Variants in RFX4 observed in about 807,000 individuals in gnomAD.
The protein encoded by RFX4 is regulatory factor X4.
A neutral mutation model predicts 95.0 loss-of-function variants in RFX4; 10 were observed. The ratio of observed to expected loss-of-function variants is 0.11; its 90% CI spans 0.06 to 0.18. The LOEUF (loss-of-function observed/expected upper bound fraction) is 0.18. Among genes scored for constraint, RFX4 ranks in the 10% least tolerant of loss-of-function variants. The pLI, the probability that RFX4 is intolerant of heterozygous loss-of-function variation, is 1.00. For missense variants in RFX4, 640 were observed against 922.0 expected, an observed-to-expected ratio of 0.69 and a Z score of 3.96; for synonymous variants, 321 against 340.7, an observed-to-expected ratio of 0.94 and a Z score of 0.64.
At chr12:106,745,185 C>G (rs960880420) in intron 15 of RFX4, among the ~76,000 whole-genome samples, 1 of 152,022 alleles carries the variant, frequency 6.6e-6, no homozygotes, top group South Asian at 2.1e-4. Flanking sequence ...TTTATTGTCT[C>G]GAATCTTTTA....
chr12:106,624,500 T>C (rs75640034), intron 2 of RFX4, among the ~76,000 whole-genome samples: 1 of 150,610 alleles, frequency 6.6e-6, no homozygotes, highest in Admixed American at 6.6e-5. Flanking sequence ...ACTTTTTGTA[T>C]TTTTTTTTAG....
At chr12:106,620,837 C>A (rs1366477191) in intron 2 of RFX4, among the ~76,000 whole-genome samples, 3 of 151,958 alleles carry the variant, frequency 2.0e-5, no homozygotes, top group Non-Finnish European at 4.4e-5. Context: ...TATAGACCAC[C>A]CCCCAGGAAT....
intron 3 of RFX4, among the ~76,000 whole-genome samples, chr12:106,640,003 G>A (rs929745324): frequency 2.6e-5 from 4 of 152,184 alleles, no homozygotes; most frequent in African/African-American, 2.4e-5. Flanking sequence ...CATTGAAGGC[G>A]ATTATTCCCC....
intron 13 of RFX4, among the ~76,000 whole-genome samples, chr12:106,728,518 A>G (rs2042547753): frequency 6.6e-6 from 1 of 152,102 alleles, no homozygotes; most frequent in Non-Finnish European, 1.5e-5. Flanking sequence ...TAGAGCTTAC[A>G]ATCTAGTGGA....
intron 2 of RFX4, among the ~76,000 whole-genome samples, chr12:106,636,405 A>G (rs2040513583): frequency 6.7e-6 from 1 of 149,650 alleles, no homozygotes; most frequent in Non-Finnish European, 1.5e-5. Flanking sequence ...AAAAAAAAAA[A>G]AAGAAAAGAA....
intron 15 of RFX4, among the ~76,000 whole-genome samples, chr12:106,746,992 C>A (rs2042908303): frequency 6.6e-6 from 1 of 152,186 alleles, no homozygotes; most frequent in African/African-American, 2.4e-5. Flanking sequence ...AGGCCCCTAC[C>A]CTCATGGTGC....
chr12:106,607,506 T>C (rs1292451337), intron 1 of RFX4, among the ~76,000 whole-genome samples: 3 of 135,902 alleles, frequency 2.2e-5, no homozygotes, highest in South Asian at 2.3e-4. Context: ...AAGTAGCTGG[T>C]AGGTGTCTGA....
At chr12:106,715,315 G>A in intron 10 of RFX4, 85 bp from the exon 11 acceptor site, 2 of 1,455,594 alleles carry the variant, frequency 1.4e-6, no homozygotes, top group Middle Eastern at 1.9e-4. Context: ...ACCATAAGCA[G>A]ATGCATTAAC....
At chr12:106,719,246 G>T (rs4964484) in intron 11 of RFX4, among the ~76,000 whole-genome samples, 96,683 of 152,126 alleles carry the variant, frequency 0.64, 32,597 homozygotes, top group African/African-American at 0.88. Context: ...AGAGAGACTG[G>T]TTCACTTACT....
intron 2 of RFX4, among the ~76,000 whole-genome samples, chr12:106,614,533 G>T (rs906328601): frequency 6.8e-6 from 1 of 147,982 alleles, no homozygotes; most frequent in Admixed American, 6.8e-5. Context: ...GGTTGAGAAG[G>T]AGTATCGCTC....
At chr12:106,721,981 T>C (rs181199308) in intron 13 of RFX4, among the ~76,000 whole-genome samples, 8 of 152,368 alleles carry the variant, frequency 5.3e-5, no homozygotes, top group Admixed American at 2.6e-4. Context: ...AAGTGTTTTG[T>C]TGTGGATTTC....
At chr12:106,718,149 G>C (rs999525217) in intron 11 of RFX4, among the ~76,000 whole-genome samples, 3 of 152,096 alleles carry the variant, frequency 2.0e-5, no homozygotes, top group Admixed American at 6.6e-5. Context: ...GATCCCTGGG[G>C]CTGGGATGCC....
At chr12:106,749,608 TACTC>T (rs1157443426) in intron 16 of RFX4, among the ~76,000 whole-genome samples, 3 of 152,110 alleles carry the variant, frequency 2.0e-5, no homozygotes, top group Non-Finnish European at 4.4e-5. Flanking sequence ...GCAGAAAAAA[TACTC>T]ACATGGTCAT....
At chr12:106,608,690 A>T (rs2039889623) in intron 1 of RFX4, 107 bp from the exon 2 acceptor site, 1 of 1,025,450 alleles carries the variant, frequency 9.8e-7, no homozygotes, top group South Asian at 1.7e-5. Flanking sequence ...GAGCATTTAA[A>T]TCTAATGCAT....
intron 5 of RFX4, chr12:106,684,655 C>A: frequency 1.4e-6 from 2 of 1,429,800 alleles, no homozygotes; most frequent in Non-Finnish European, 1.8e-6. Context: ...TAACTGTCAT[C>A]CCACCTGAAG....
At chr12:106,740,546 G>A (rs1334141794) in intron 15 of RFX4, among the ~76,000 whole-genome samples, 1 of 151,968 alleles carries the variant, frequency 6.6e-6, no homozygotes, top group Non-Finnish European at 1.5e-5. Context: ...CTTGCTGCTG[G>A]GACTTTAGGC....
intron 5 of RFX4, chr12:106,683,466 GAAAAAAAAAAAAAAAA>G (rs149587196): frequency 5.7e-4 from 29 of 50,828 alleles, no homozygotes; most frequent in East Asian, 1.3e-3. Context: ...TGACTATTCT[GAAAAAAAAAAAAAAAA>G]AAAAAAAAAA....
intron 16 of RFX4, among the ~76,000 whole-genome samples, chr12:106,749,574 G>A (rs1437863773): frequency 6.6e-6 from 1 of 152,150 alleles, no homozygotes; most frequent in African/African-American, 2.4e-5. Flanking sequence ...CTGTTTCAGA[G>A]AGATTTTTGA....
chr12:106,636,462 C>A (rs1472011624), intron 2 of RFX4, among the ~76,000 whole-genome samples: 4 of 150,718 alleles, frequency 2.7e-5, no homozygotes, highest in Admixed American at 2.6e-4. Context: ...AGCTAACAGG[C>A]AAATAATGTG....
Sources: gnomAD v4.1 joint callset for allele counts (sites outside exome capture counted in the v4.1 genomes callset) on GRCh38, gnomAD v4.1.1 for gene constraint, MANE v1.5 for transcripts, NCBI Gene and HGNC (gene_info 2026-07-23, HGNC 2026-07-21) for gene names.